Variants in TRPM5 observed in about 807,000 individuals in gnomAD.
The protein encoded by TRPM5 is transient receptor potential cation channel subfamily M member 5.
Under a neutral mutation model 124.9 loss-of-function variants are expected in TRPM5, and 121 were observed. The observed-to-expected ratio is 0.97, with a 90% CI of 0.84 to 1.13. TRPM5 has a LOEUF of 1.13. Among genes scored for constraint, TRPM5 ranks in the 50% most tolerant of loss-of-function variants. The pLI is 0.00. For synonymous variants in TRPM5, 781 were observed against 700.5 expected, an observed-to-expected ratio of 1.11 and a Z score of -1.81; for missense variants, 1,643 against 1,589.1, an observed-to-expected ratio of 1.03 and a Z score of -0.58.
intron 18 of TRPM5, 62 bp downstream of exon 23, chr11:2,411,290 G>C: frequency 6.8e-7 from 1 of 1,473,728 alleles, no homozygotes; most frequent in Non-Finnish European, 9.1e-7. Flanking sequence ...CTCATGCCCA[G>C]GGCTTGTGCA....
intron 18 of TRPM5, among the ~76,000 whole-genome samples, chr11:2,408,422 C>A (rs566328103): frequency 6.6e-6 from 1 of 152,218 alleles, no homozygotes; most frequent in Non-Finnish European, 1.5e-5. Flanking sequence ...CCCAAGCTGG[C>A]AAGTAATTCC....
chr11:2,442,626 A>C, the TRPM5 span, among the ~76,000 whole-genome samples: 1 of 152,176 alleles, frequency 6.6e-6, no homozygotes, highest in Non-Finnish European at 1.5e-5. The surrounding 1 kb of genome is among the most constrained non-coding windows in gnomAD (Gnocchi z 5.9). Flanking sequence ...GTTATTTCCT[A>C]GAAGTGGGGT....
At position 2,418,238 on chromosome 11, in the gene TRPM5, C is replaced by A. The variant is rs750933952; in HGVS notation, c.835G>T (p.Glu279Ter). The stretch of plus-strand genomic sequence containing the variant: ...GGGAACTTCTCCTTAAACTGCTTCT[C>A]GGCCACCTTGGGCACCAGGAGGTGG... Residue 279 changes from glutamate (E) to a stop codon, truncating the protein, a stop_gained, in exon 6 of 24, where the codon GAG (glutamate) becomes TAG (stop). Coordinates refer to ENST00000155858, the Ensembl canonical transcript of TRPM5. LOFTEE classifies it high-confidence loss of function. The A allele has an allele frequency of 1.9e-6, 3 of 1,586,700 alleles. No individual in the cohort carries two copies. The highest frequency in any genetic ancestry group is 2.6e-6 in the Non-Finnish European group (3 of 1,166,070).
chr11:2,426,248 C>T (rs1038326869), upstream of TRPM5, among the ~76,000 whole-genome samples: 2 of 152,188 alleles, frequency 1.3e-5, no homozygotes, highest in African/African-American at 2.4e-5. Context: ...GGCAGCCTCA[C>T]CTTCCTGGTG....
chr11:2,423,218 C>T (rs1845797260), upstream of TRPM5, among the ~76,000 whole-genome samples: 1 of 152,284 alleles, frequency 6.6e-6, no homozygotes, highest in Admixed American at 6.5e-5. Flanking sequence ...TCTCTCCAGC[C>T]AGGCCCTGCC....
chr11:2,407,621 C>T (rs1248972251), intron 19 of TRPM5, 138 bp downstream of exon 24: 2 of 1,170,234 alleles, frequency 1.7e-6, no homozygotes, highest in African/African-American at 1.5e-5. Context: ...CAGGCTATGC[C>T]ACCTTCTATC....
chr11:2,422,573 C>A (rs2133536755), intron 1 of TRPM5, among the ~76,000 whole-genome samples: 1 of 152,090 alleles, frequency 6.6e-6, no homozygotes, highest in Middle Eastern at 3.4e-3. Flanking sequence ...CCTCCCTTGA[C>A]CTGCTGTGTG....
chr11:2,422,993 G>T, exon 1 of TRPM5: 1 of 1,612,918 alleles, frequency 6.2e-7, no homozygotes, highest in East Asian at 2.2e-5. Flanking sequence ...CCGGTCTTCA[G>T]CATCCCCGGG....
chr11:2,420,041 TCCCAGGCCCCCACGG>T (rs201970743), intron 4 of TRPM5, among the ~76,000 whole-genome samples, 166 bp downstream of exon 9: 44,697 of 151,132 alleles, frequency 0.3, 6,919 homozygotes, highest in Middle Eastern at 0.47. Context: ...CAGCTCCTCC[TCCCAGGCCCCCACGG>T]CCCAGGCCCC....
chr11:2,418,110 G>A (rs1011381533), intron 6 of TRPM5, 57 bp downstream of exon 11: 2 of 1,449,036 alleles, frequency 1.4e-6, no homozygotes, highest in Non-Finnish European at 9.3e-7. Context: ...TCTCCCAGAG[G>A]ACCAGCCCCA....
rs532598665 is a variant in TRPM5, at chr11:2,411,303, C to T, written c.2782+49G>A. On this transcript the variant is annotated intron_variant, in intron 18 of 23. Transcript: ENST00000155858. ...GCCTCATGCCCAGGGCTTGTGCACA[C>T]AGGGCTCCAATTTCTCCCTGCCCCT... is the stretch of plus-strand genomic sequence containing the variant. 3.7e-5 allele frequency: 56 copies of T among 1,496,306 alleles called. No individual in the cohort carries two copies. The Middle Eastern group carries it at 5.3e-4, about 14-fold the overall frequency. 92.7% of individuals were successfully genotyped at this position (1,496,306 alleles called of 1,614,324 possible).
upstream of TRPM5, chr11:2,423,136 G>A: frequency 2.1e-6 from 2 of 967,582 alleles, no homozygotes; most frequent in East Asian, 2.4e-5. Flanking sequence ...TTTCCCCTGG[G>A]AAGCCCCTCT....
chr11:2,443,084 T>C, the TRPM5 span, among the ~76,000 whole-genome samples: 1 of 152,246 alleles, frequency 6.6e-6, no homozygotes, highest in Admixed American at 6.5e-5. The surrounding 1 kb of genome is among the most constrained non-coding windows in gnomAD (Gnocchi z 5.0). Context: ...TTTCAAGTCA[T>C]AGTTGGAAAT....
chr11:2,421,054 C>A, exon 3 of TRPM5: 2 of 1,545,922 alleles, frequency 1.3e-6, no homozygotes, highest in South Asian at 1.2e-5. Context: ...CAGAATGCGG[C>A]GGTGCAGGAC....
rs537691767 is a variant in TRPM5, at chr11:2,405,393, G to A, written c.3391+134C>T. On this transcript the variant is annotated intron_variant, in intron 23 of 23. Transcript: ENST00000155858. ...CACCCACACCACCCTGAAGAGCCGC[G>A]TCCAGCCAAGGCCTCCTGAGACTCC... 45 of 932,126 alleles carry A rather than the reference G, an allele frequency of 4.8e-5. No individual in the cohort carries two copies. The East Asian group carries it at 5.0e-4, about 10-fold the overall frequency. 57.7% of individuals were successfully genotyped at this position (932,126 alleles called of 1,614,324 possible).
At chr11:2,418,533 G>A (rs765624019) in exon 5 of TRPM5, 4 of 1,610,994 alleles carry the variant, frequency 2.5e-6, no homozygotes, top group Non-Finnish European at 3.4e-6. Flanking sequence ...CTACCTCCAA[G>A]GTGTTGGGAT....
chr11:2,420,190 A>C (rs2133531797), intron 4 of TRPM5, 32 bp downstream of exon 9: 2 of 1,557,648 alleles, frequency 1.3e-6, no homozygotes, highest in Non-Finnish European at 1.7e-6. Flanking sequence ...CTGGGTCCCA[A>C]GGCTTCCCTG....
At chr11:2,420,363 G>C (rs1565014563) in exon 4 of TRPM5, 3 of 1,612,726 alleles carry the variant, frequency 1.9e-6, no homozygotes, top group Non-Finnish European at 2.5e-6. Flanking sequence ...AGGGGGCCCT[G>C]GCTGCCGCCG....
At chr11:2,418,032 G>T in intron 6 of TRPM5, 135 bp downstream of exon 11, 4 of 992,552 alleles carry the variant, frequency 4.0e-6, no homozygotes, top group Non-Finnish European at 5.9e-6. Context: ...TGGGCCTGAA[G>T]CGAGAGTGGG....
Sources: gnomAD v4.1 joint callset for allele counts (sites outside exome capture counted in the v4.1 genomes callset) on GRCh38, gnomAD v4.1.1 for gene constraint, Gnocchi (gnomAD v3.1) non-coding constraint, MANE v1.5 for transcripts, NCBI Gene and HGNC (gene_info 2026-07-23, HGNC 2026-07-21) for gene names.